Variants in TASP1 observed in about 807,000 individuals in gnomAD.
TASP1 encodes the protein taspase 1.
A neutral mutation model predicts 56.6 loss-of-function variants in TASP1; 16 were observed. That is an observed-to-expected ratio of 0.28 (90% CI 0.19 to 0.43). The LOEUF is 0.43. Ranked by LOEUF, TASP1 falls within the 20% of genes least tolerant of loss-of-function variation. TASP1 has a pLI of 1.00. For synonymous variants in TASP1, 179 were observed against 184.2 expected (o/e 0.97, Z 0.23); for missense variants, 393 against 511.6 (o/e 0.77, Z 2.24).
chr20:13,317,007 T>C, the TASP1 span, among the ~76,000 whole-genome samples: 1 of 151,948 alleles, frequency 6.6e-6, no homozygotes, highest in South Asian at 2.1e-4. Context: ...TAAAACTGTC[T>C]GTTCATGGAT....
At chr20:13,326,459 C>T in the TASP1 span, among the ~76,000 whole-genome samples, 1 of 152,146 alleles carries the variant, frequency 6.6e-6, no homozygotes, top group Admixed American at 6.5e-5. Flanking sequence ...TTTCCATCTC[C>T]AGCATCAATA....
the TASP1 span, among the ~76,000 whole-genome samples, chr20:13,150,493 C>A: frequency 6.6e-6 from 1 of 152,166 alleles, no homozygotes; most frequent in African/African-American, 2.4e-5. Context: ...CTATCTCTTT[C>A]TTTAAAACCA....
chr20:13,358,467 AT>A, the TASP1 span, among the ~76,000 whole-genome samples: 6 of 152,234 alleles, frequency 3.9e-5, no homozygotes, highest in Non-Finnish European at 5.9e-5. Flanking sequence ...CATCTCACCA[AT>A]TTTAAATCAG....
At chr20:13,172,304 T>A in the TASP1 span, among the ~76,000 whole-genome samples, 3 of 152,042 alleles carry the variant, frequency 2.0e-5, no homozygotes, top group South Asian at 4.2e-4. Flanking sequence ...AGAAAAAAAA[T>A]TTTCACCTAA....
chr20:13,193,479 C>T, the TASP1 span, among the ~76,000 whole-genome samples: 1 of 152,136 alleles, frequency 6.6e-6, no homozygotes, highest in Non-Finnish European at 1.5e-5. Context: ...TCCATCAAAA[C>T]ATACAAAAAC....
the TASP1 span, chr20:13,299,136 C>T: frequency 6.2e-7 from 1 of 1,612,784 alleles, no homozygotes; most frequent in Non-Finnish European, 8.5e-7. This position sits in a 1 kb window ranked among gnomAD's most constrained non-coding sequence, Gnocchi z 5.8. Flanking sequence ...CAAGGAGAAG[C>T]TGGAGATCTA....
intron 11 of TASP1, among the ~76,000 whole-genome samples, chr20:13,440,129 G>A (rs2043164080): frequency 6.6e-6 from 1 of 152,122 alleles, no homozygotes; most frequent in African/African-American, 2.4e-5. Flanking sequence ...AAGATGATGA[G>A]GCACTATCTT....
At chr20:13,186,389 A>G in the TASP1 span, among the ~76,000 whole-genome samples, 4 of 152,202 alleles carry the variant, frequency 2.6e-5, no homozygotes, top group Non-Finnish European at 4.4e-5. Context: ...TTTTACCTAA[A>G]GAGGCTGCAG....
intron 1 of TASP1, among the ~76,000 whole-genome samples, chr20:13,632,936 A>G (rs2049152195): frequency 6.6e-6 from 1 of 152,226 alleles, no homozygotes; most frequent in East Asian, 1.9e-4. Context: ...GAAAGATGCA[A>G]AATAAAATTA....
rs940161748 is a variant in TASP1, at chr20:13,605,868, A to G, written c.282+17578T>C. On this transcript the variant is annotated intron_variant, in intron 4 of 13. Transcript: ENST00000337743. ...CATAAACCTACAATGGTTTCCTAGC[A>G]CACTTAGAATAAAATCCAAAGTCCT... is the stretch of plus-strand genomic sequence containing the variant. Among the ~76,000 whole-genome samples, 80 of 152,042 alleles carry G rather than the reference A, an allele frequency of 5.3e-4. 1 individual carries two copies. The highest frequency in any genetic ancestry group is 5.0e-3 in the Admixed American group (77 of 15,262).
At chr20:13,601,189 G>A (rs2047944552) in intron 4 of TASP1, among the ~76,000 whole-genome samples, 1 of 152,068 alleles carries the variant, frequency 6.6e-6, no homozygotes, top group Admixed American at 6.6e-5. Flanking sequence ...GAAGTGGGAG[G>A]ATGGCTTGAG....
chr20:13,573,234 C>A (rs1028841393), intron 6 of TASP1, among the ~76,000 whole-genome samples: 4 of 151,964 alleles, frequency 2.6e-5, no homozygotes, highest in African/African-American at 9.7e-5. Context: ...AACTGTGTTC[C>A]CCCAAAATTC....
At chr20:13,215,873 CA>C in the TASP1 span, among the ~76,000 whole-genome samples, 1 of 152,218 alleles carries the variant, frequency 6.6e-6, no homozygotes, top group African/African-American at 2.4e-5. Flanking sequence ...CAGCTGCTTT[CA>C]GGGGTGGAGA....
chr20:13,499,488 A>G lies in TASP1; in HGVS notation c.875-16151T>C, dbSNP rs112959865. ...TAAAAAAAAAAAAAGAAAGAAAGAG[A>G]AAAGAAAAGGCAACGCAAGGCAAAG... On this transcript the variant is annotated intron_variant, in intron 10 of 13. Transcript: ENST00000337743. Among the ~76,000 whole-genome samples, 32 of 151,992 alleles carry G rather than the reference A, an allele frequency of 2.1e-4. 3 individuals carry two copies. The highest frequency in any genetic ancestry group is 7.2e-4 in the African/African-American group (30 of 41,508).
the TASP1 span, among the ~76,000 whole-genome samples, chr20:13,282,285 C>G: frequency 6.6e-6 from 1 of 152,290 alleles, no homozygotes; most frequent in South Asian, 2.1e-4. Flanking sequence ...GGCCACTGCT[C>G]TCCATCTCCT....
At chr20:13,341,892 T>C in the TASP1 span, among the ~76,000 whole-genome samples, 1 of 152,186 alleles carries the variant, frequency 6.6e-6, no homozygotes, top group African/African-American at 2.4e-5. Context: ...GCAGGATGAC[T>C]AGCAGGTGTT....
the TASP1 span, among the ~76,000 whole-genome samples, chr20:13,241,364 G>A: frequency 6.6e-6 from 1 of 152,192 alleles, no homozygotes; most frequent in Admixed American, 6.5e-5. Flanking sequence ...TAAGATCAGA[G>A]ATACCAGGGC....
At chr20:13,182,254 A>C in the TASP1 span, among the ~76,000 whole-genome samples, 1 of 152,098 alleles carries the variant, frequency 6.6e-6, no homozygotes, top group Admixed American at 6.5e-5. Context: ...AAATATATAG[A>C]TATGCTTCCA....
the TASP1 span, among the ~76,000 whole-genome samples, chr20:13,131,650 G>T: frequency 3.3e-5 from 5 of 151,992 alleles, no homozygotes; most frequent in Admixed American, 6.6e-5. Flanking sequence ...TCAGAATCAG[G>T]TCACTTCTCA....
Sources: gnomAD v4.1 joint callset for allele counts (sites outside exome capture counted in the v4.1 genomes callset) on GRCh38, gnomAD v4.1.1 for gene constraint, Gnocchi (gnomAD v3.1) non-coding constraint, MANE v1.5 for transcripts, NCBI Gene and HGNC (gene_info 2026-07-23, HGNC 2026-07-21) for gene names.